ALMS1: variants seen among roughly 807,000 people sequenced by gnomAD.
The protein encoded by ALMS1 is ALMS1 centrosome and basal body associated protein.
In ALMS1, 271 loss-of-function variants were observed where a neutral mutation model predicts 352.2. That is an observed-to-expected ratio of 0.77 (90% CI 0.70 to 0.85). ALMS1 has a LOEUF of 0.85. Among genes scored for constraint, ALMS1 ranks in the 40% least tolerant of loss-of-function variants. The pLI is 0.00. For missense variants in ALMS1, 5,445 were observed against 4,870.7 expected (o/e 1.12, Z -3.51); for synonymous variants, 1,865 against 1,761.2 (o/e 1.06, Z -1.48).
chr2:73,529,469 T>C (rs1673863767), intron 11 of ALMS1, among the ~76,000 whole-genome samples: 1 of 152,224 alleles, frequency 6.6e-6, no homozygotes, highest in Non-Finnish European at 1.5e-5. Flanking sequence ...TAGAAGCTTG[T>C]GGATATTTGT....
rs867845702 is a variant in ALMS1 at position 73,572,805 on chromosome 2, C to G, written c.10928C>G (p.Ser3643Cys). 6.2e-7 allele frequency: 1 copy of G among 1,614,072 alleles called. No individual in the cohort carries two copies. Among genetic ancestry groups the G allele is most frequent in the Non-Finnish European group, 8.5e-7 (1 of 1,179,990 alleles). ...ATTCTTCAGAATCCAATCACACATT[C>G]TCTCCAGGTCTCAGAAAGTACACAT... Reference protein sequence around the residue: ...AKILQNPITHSLQVSESTHDD... With the variant: ...AKILQNPITHCLQVSESTHDD... Residue 3643 changes from serine to cysteine, a missense_variant, in exon 16 of 23, where the codon TCT becomes TGT. Coordinates refer to ENST00000613296, the MANE Select transcript of ALMS1 (RefSeq NM_001378454.1).
At chr2:73,557,414 C>A in intron 14 of ALMS1, 60 bp downstream of exon 14, 1 of 1,602,970 alleles carries the variant, frequency 6.2e-7, no homozygotes, top group Non-Finnish European at 8.5e-7. Context: ...TGAGACTATT[C>A]CCTTAAGAAC....
chr2:73,533,728 C>T (rs1002517495), intron 11 of ALMS1, among the ~76,000 whole-genome samples: 10 of 152,168 alleles, frequency 6.6e-5, no homozygotes, highest in African/African-American at 2.4e-4. Context: ...AAAAAATGTC[C>T]ATAATAGTAA....
chr2:73,427,214 C>T (rs896279814), intron 6 of ALMS1, among the ~76,000 whole-genome samples: 1 of 152,160 alleles, frequency 6.6e-6, no homozygotes, highest in Non-Finnish European at 1.5e-5. Context: ...GAAACAGTCC[C>T]TGGAATATTT....
At chr2:73,459,193 A>G (rs1408852194) in intron 9 of ALMS1, 1 of 151,922 alleles carries the variant, frequency 6.6e-6, no homozygotes, top group African/African-American at 2.4e-5. Context: ...TTTTATCATG[A>G]TTTGATTCAG....
At chr2:73,530,525 G>T (rs1220519260) in intron 11 of ALMS1, among the ~76,000 whole-genome samples, 1 of 152,204 alleles carries the variant, frequency 6.6e-6, no homozygotes, top group East Asian at 1.9e-4. Flanking sequence ...CTGGTGTTTA[G>T]TACCTGTGGC....
Position 73,602,286 on chromosome 2 carries a change from A to G in ALMS1, c.12216A>G (p.Leu4072=), listed in dbSNP as rs769083768. The change falls in exon 20 of 23, where the codon TTA becomes TTG. Residue 4072 remains leucine, a synonymous_variant. Transcript: ENST00000613296. ...AGGAGAGGAAGCTGCAGAGCATGTT[A>G]CAGACCGAGCGGGATGCACTATTCA... The part of the protein sequence containing the change: ...IVQERKLQSM[L]QTERDALFNI... 7 of 1,614,104 alleles carry G rather than the reference A, an allele frequency of 4.3e-6. No individual in the cohort carries two copies. The Admixed American group carries it at 1.2e-4, about 27-fold the overall frequency.
chr2:73,450,012 C>G lies in ALMS1; in HGVS notation c.3485C>G (p.Thr1162Ser). ...SIFHQQALPG[T>S]HIPEEAQKVS... is the part of the protein sequence containing the mutation. Reference sequence around the variant, plus strand: ...TTCCACCAGCAGGCCTTGCCAGGTACTCATATACCTGAAGAGGCTCAGAAA... The same window carrying G: ...TTCCACCAGCAGGCCTTGCCAGGTAGTCATATACCTGAAGAGGCTCAGAAA... The change falls in exon 8 of 23, where the codon ACT (threonine) becomes AGT (serine). Residue 1162 changes from threonine to serine, a missense_variant. Coordinates refer to ENST00000613296, the MANE Select transcript of ALMS1 (RefSeq NM_001378454.1). 1 of 1,613,258 alleles carries G rather than the reference C, an allele frequency of 6.2e-7. No homozygotes were observed. The highest frequency in any genetic ancestry group is 1.7e-4 in the Middle Eastern group (1 of 6,060).
intron 1 of ALMS1, among the ~76,000 whole-genome samples, chr2:73,392,558 A>G (rs1171965718): frequency 6.6e-6 from 1 of 152,082 alleles, no homozygotes; most frequent in Non-Finnish European, 1.5e-5. Context: ...CCTTCTGTCT[A>G]TAGATTTACC....
chr2:73,407,589 A>G (rs977347795), intron 1 of ALMS1, among the ~76,000 whole-genome samples: 2 of 152,214 alleles, frequency 1.3e-5, no homozygotes, highest in African/African-American at 4.8e-5. Context: ...GTTACTATCT[A>G]GCATCCTTTA....
rs1417336965 is a variant in ALMS1 at position 73,490,773 on chromosome 2, A to G, written c.8814A>G (p.Val2938=). The G allele has an allele frequency of 6.2e-7, 1 of 1,614,136 alleles. No homozygotes were observed. The highest frequency in any genetic ancestry group is 2.2e-5 in the East Asian group (1 of 44,878). The stretch of plus-strand genomic sequence containing the variant: ...TTGAACAGTGCAAAGCCCCATATGT[A>G]GATCATCAAATGAGAGAAAACCATT... The part of the protein sequence containing the change: ...ELFEQCKAPY[V]DHQMRENHSP... The change falls in exon 10 of 23, where the codon GTA becomes GTG. Residue 2938 remains valine, a synonymous_variant. Transcript: ENST00000613296.
At chr2:73,456,492 T>C (rs1672063374) in intron 9 of ALMS1, among the ~76,000 whole-genome samples, 1 of 152,184 alleles carries the variant, frequency 6.6e-6, no homozygotes, top group African/African-American at 2.4e-5. Context: ...GCCTATAAAA[T>C]GCTTAGTAGA....
chr2:73,506,108 T>A (rs1673314841), intron 10 of ALMS1, among the ~76,000 whole-genome samples: 2 of 152,162 alleles, frequency 1.3e-5, no homozygotes, highest in Admixed American at 1.3e-4. Flanking sequence ...AGATGTGTGG[T>A]GTTATTTCTG....
chr2:73,397,905 A>G (rs1032035496), intron 1 of ALMS1, among the ~76,000 whole-genome samples: 6 of 151,916 alleles, frequency 3.9e-5, no homozygotes, highest in Non-Finnish European at 7.4e-5. Flanking sequence ...TTTTGCAAAT[A>G]TTTTCTTCCA....
upstream of ALMS1, chr2:73,385,808 T>TCC: frequency 1.5e-6 from 1 of 672,246 alleles, no homozygotes; most frequent in Non-Finnish European, 2.7e-6. Flanking sequence ...GTCAGGGCTC[T>TCC]CCCCTTCCCC....
Position 73,422,423 on chromosome 2 carries a change from T to G in ALMS1, c.647-434T>G, listed in dbSNP as rs138303005. On this transcript the variant is annotated intron_variant, in intron 3 of 22. Coordinates refer to ENST00000613296, the MANE Select transcript of ALMS1 (RefSeq NM_001378454.1). ...TTAGGGCCCAGGAGCTCCTGTGCTA[T>G]GCTTTGACATAACGGGTGTAGTCTA... Among the ~76,000 whole-genome samples the G allele has an allele frequency of 3.1e-4, 47 of 152,288 alleles. No homozygotes were observed. In the East Asian group the frequency reaches 7.3e-3, roughly 24 times the overall value.
chr2:73,552,906 A>G (rs1307725277), intron 13 of ALMS1, among the ~76,000 whole-genome samples: 2 of 152,264 alleles, frequency 1.3e-5, no homozygotes, highest in Admixed American at 1.3e-4. Flanking sequence ...GAGAAGGGAA[A>G]AGATTTTTTA....
rs1367746899 is a variant in ALMS1 at position 73,453,663 on chromosome 2, G to C, written c.7136G>C (p.Arg2379Thr). The change falls in exon 8 of 23, where the codon AGG (arginine) becomes ACG (threonine). Residue 2379 changes from arginine (R) to threonine (T), a missense_variant. Physicochemically the swap from Arg to Thr is moderately conservative, Grantham distance 71. Coordinates refer to ENST00000613296, the MANE Select transcript of ALMS1 (RefSeq NM_001378454.1). ...KVSMALEETL[R>T]QYQAAKSVMR... ...AGTATGGCATTAGAAGAAACTCTTAGGCAATATCAAGCAGCCAAATCTGTA... is the reference window on the plus strand; with the variant it reads ...AGTATGGCATTAGAAGAAACTCTTACGCAATATCAAGCAGCCAAATCTGTA... The C allele has an allele frequency of 1.9e-6, 3 of 1,614,066 alleles. No individual in the cohort carries two copies. In the East Asian group the frequency reaches 6.7e-5, roughly 36 times the overall value.
intron 7 of ALMS1, among the ~76,000 whole-genome samples, chr2:73,436,225 A>G (rs1261376692): frequency 1.3e-5 from 2 of 152,100 alleles, no homozygotes; most frequent in Admixed American, 1.3e-4. Context: ...TCTGGCCTTC[A>G]TAGTTTTGGA....
Sources: allele counts gnomAD v4.1 joint callset (sites outside exome capture counted in the v4.1 genomes callset), GRCh38; gene constraint gnomAD v4.1.1; transcripts MANE v1.5; gene names NCBI Gene and HGNC (gene_info 2026-07-23, HGNC 2026-07-21).